PLA2G4A: variants seen among roughly 807,000 people sequenced by gnomAD.
PLA2G4A encodes the protein cytosolic phospholipase A2.
PLA2G4A carries 40 observed loss-of-function variants against 81.9 expected under a neutral mutation model. That is an observed-to-expected ratio of 0.49 (90% CI 0.38 to 0.64). The LOEUF is 0.64. PLA2G4A is among the 30% of genes least tolerant of loss of function. PLA2G4A has a pLI of 0.00. For synonymous variants in PLA2G4A, 302 were observed against 296.9 expected, an observed-to-expected ratio of 1.02 and a Z score of -0.18; for missense variants, 715 against 905.1, an observed-to-expected ratio of 0.79 and a Z score of 2.69.
chr1:186,944,803 C>A (rs1286343530), intron 10 of PLA2G4A, among the ~76,000 whole-genome samples: 1 of 152,048 alleles, frequency 6.6e-6, no homozygotes, highest in Middle Eastern at 3.2e-3. Context: ...TTACCTAATA[C>A]CCCATTGGGT....
chr1:186,980,344 A>C (rs536138227), intron 17 of PLA2G4A, among the ~76,000 whole-genome samples: 1 of 152,280 alleles, frequency 6.6e-6, no homozygotes, highest in South Asian at 2.1e-4. Flanking sequence ...TCTTCTGCTA[A>C]GATTCTGTGT....
intron 14 of PLA2G4A, among the ~76,000 whole-genome samples, chr1:186,963,670 T>C (rs1233602996): frequency 6.6e-6 from 1 of 152,230 alleles, no homozygotes; most frequent in Non-Finnish European, 1.5e-5. Context: ...TATTCTTCTT[T>C]ATTTATAAGC....
intron 15 of PLA2G4A, 78 bp downstream of exon 15, chr1:186,965,671 T>A: frequency 1.0e-6 from 1 of 978,980 alleles, no homozygotes; most frequent in Non-Finnish European, 1.7e-6. Flanking sequence ...TCCCTTTGAC[T>A]CCAGTTTCTT....
chr1:186,874,501 A>G (rs1313184612), intron 3 of PLA2G4A, among the ~76,000 whole-genome samples: 1 of 152,098 alleles, frequency 6.6e-6, no homozygotes, highest in Non-Finnish European at 1.5e-5. Flanking sequence ...AGTGTTTTTT[A>G]AGTGATTAAA....
chr1:186,840,081 T>C (rs1195264813), intron 1 of PLA2G4A, among the ~76,000 whole-genome samples: 1 of 147,804 alleles, frequency 6.8e-6, no homozygotes, highest in Non-Finnish European at 1.5e-5. Context: ...GTTCAAGCAA[T>C]TCTGCCTCTC....
chr1:186,837,923 G>A (rs1265949088), intron 1 of PLA2G4A, among the ~76,000 whole-genome samples: 1 of 152,042 alleles, frequency 6.6e-6, no homozygotes, highest in African/African-American at 2.4e-5. Flanking sequence ...TTGTGGCAGG[G>A]AGAAGGGGAA....
rs1024921479 is a variant in PLA2G4A, at chr1:186,869,719, G to C, written c.34-716G>C. Among the ~76,000 whole-genome samples the C allele has an allele frequency of 2.0e-5, 3 of 152,178 alleles. No individual in the cohort carries two copies. The East Asian group carries it at 5.8e-4, about 29-fold the overall frequency. On this transcript the variant is annotated intron_variant, in intron 2 of 17. Coordinates refer to ENST00000367466, the MANE Select transcript of PLA2G4A (RefSeq NM_024420.3). ...TAAGATTAAAACAAGAAATGTTTGA[G>C]TTTTAGATAAAGACCTTGTAATCTT... is the stretch of plus-strand genomic sequence containing the variant.
rs549868455 is a variant in PLA2G4A at position 186,835,585 on chromosome 1, G to A, written c.-70+6550G>A. Among the ~76,000 whole-genome samples the A allele has an allele frequency of 3.3e-5, 5 of 152,190 alleles. No homozygotes were observed. In the East Asian group the frequency reaches 7.7e-4, roughly 24 times the overall value. On this transcript the variant is annotated intron_variant, in intron 1 of 17. Coordinates refer to ENST00000367466, the MANE Select transcript of PLA2G4A (RefSeq NM_024420.3). ...TGTGTCTACCACAAACCTCAAACAG[G>A]TTATCAACTTTCTTTTCATTCAACT...
At chr1:186,957,442 G>C (rs1259875832) in intron 14 of PLA2G4A, among the ~76,000 whole-genome samples, 1 of 152,214 alleles carries the variant, frequency 6.6e-6, no homozygotes, top group African/African-American at 2.4e-5. Flanking sequence ...AACTGTGCTT[G>C]GCAGCAGAAA....
At chr1:186,942,504 T>G (rs1008983254) in intron 10 of PLA2G4A, among the ~76,000 whole-genome samples, 1 of 152,114 alleles carries the variant, frequency 6.6e-6, no homozygotes, top group Non-Finnish European at 1.5e-5. Context: ...ACCCTAAGAT[T>G]TATCTTCCAG....
chr1:186,844,136 T>A (rs913416680), intron 1 of PLA2G4A, among the ~76,000 whole-genome samples: 3 of 152,180 alleles, frequency 2.0e-5, no homozygotes, highest in African/African-American at 7.2e-5. Context: ...TGTGCCTTTG[T>A]GTCTGGAGGC....
chr1:186,927,145 A>T (rs12720575), intron 7 of PLA2G4A, among the ~76,000 whole-genome samples: 15 of 152,290 alleles, frequency 9.8e-5, no homozygotes, highest in Admixed American at 3.9e-4. Context: ...CTTCCTTTGC[A>T]TTCAGCTGCG....
At chr1:186,896,633 TC>T (rs1382171131) in intron 5 of PLA2G4A, among the ~76,000 whole-genome samples, 1 of 152,224 alleles carries the variant, frequency 6.6e-6, no homozygotes, top group Non-Finnish European at 1.5e-5. Flanking sequence ...TGGACAACAT[TC>T]ATTTCCTCTC....
At chr1:186,943,336 T>C (rs1233620979) in intron 10 of PLA2G4A, among the ~76,000 whole-genome samples, 1 of 152,228 alleles carries the variant, frequency 6.6e-6, no homozygotes, top group African/African-American at 2.4e-5. Context: ...AAAACGTTCA[T>C]TTAAAAATTT....
intron 7 of PLA2G4A, among the ~76,000 whole-genome samples, chr1:186,913,153 A>G (rs143875538): frequency 6.6e-6 from 1 of 151,770 alleles, no homozygotes; most frequent in African/African-American, 2.4e-5. Context: ...CGTACTTTCA[A>G]TATTTGTTTA....
intron 15 of PLA2G4A, among the ~76,000 whole-genome samples, chr1:186,968,002 A>C (rs1657193577): frequency 6.6e-6 from 1 of 152,162 alleles, no homozygotes; most frequent in African/African-American, 2.4e-5. Flanking sequence ...GTACTACTGC[A>C]CCAGAGTGGG....
At chr1:186,963,628 T>C (rs574243128) in intron 14 of PLA2G4A, among the ~76,000 whole-genome samples, 1 of 152,352 alleles carries the variant, frequency 6.6e-6, no homozygotes, top group Non-Finnish European at 1.5e-5. Context: ...TCACCTATTC[T>C]GGGCCGTATG....
intron 3 of PLA2G4A, among the ~76,000 whole-genome samples, chr1:186,877,314 ACAGT>A (rs1441893014): frequency 2.0e-5 from 3 of 152,026 alleles, no homozygotes; most frequent in Non-Finnish European, 1.5e-5. Flanking sequence ...TGCCTAACAC[ACAGT>A]AAGTGCTCAA....
At chr1:186,847,665 G>A (rs915942204) in intron 1 of PLA2G4A, among the ~76,000 whole-genome samples, 2 of 152,068 alleles carry the variant, frequency 1.3e-5, no homozygotes, top group Non-Finnish European at 2.9e-5. Flanking sequence ...AGTTATAAAA[G>A]CATTGAAATA....
Sources: gnomAD v4.1 joint callset for allele counts (sites outside exome capture counted in the v4.1 genomes callset) on GRCh38, gnomAD v4.1.1 for gene constraint, MANE v1.5 for transcripts, NCBI Gene and HGNC (gene_info 2026-07-23, HGNC 2026-07-21) for gene names.